SAE1: variants seen among roughly 807,000 people sequenced by gnomAD.
The protein encoded by SAE1 is SUMO1 activating enzyme subunit 1, also known as SUMO-activating enzyme subunit 1.
Under a neutral mutation model 40.6 loss-of-function variants are expected in SAE1, and 11 were observed. The observed-to-expected ratio is 0.27, with a 90% confidence interval of 0.17 to 0.45. The LOEUF is 0.45. Among genes scored for constraint, SAE1 ranks in the 20% least tolerant of loss-of-function variants. The pLI is 1.00. For missense variants in SAE1, 373 were observed against 427.3 expected (o/e 0.87, Z 1.12); for synonymous variants, 155 against 154.3 (o/e 1.00, Z -0.03).
chr19:47,170,437 C>A (rs576733017), intron 6 of SAE1, among the ~76,000 whole-genome samples: 1 of 147,752 alleles, frequency 6.8e-6, no homozygotes, highest in Non-Finnish European at 1.5e-5. Flanking sequence ...CCCTGAAGTT[C>A]TGAGATTATA....
chr19:47,162,322 C>T (rs2058363838), intron 5 of SAE1, among the ~76,000 whole-genome samples: 1 of 152,148 alleles, frequency 6.6e-6, no homozygotes, highest in South Asian at 2.1e-4. Context: ...TATAGATGAT[C>T]TCCTTGGGCA....
chr19:47,202,528 C>T (rs1444452086), intron 7 of SAE1, among the ~76,000 whole-genome samples: 1 of 151,388 alleles, frequency 6.6e-6, no homozygotes, highest in Non-Finnish European at 1.5e-5. Context: ...CTTTGTGATC[C>T]GCCCACCTCG....
chr19:47,152,491 G>C (rs1230493906), intron 3 of SAE1, among the ~76,000 whole-genome samples: 1 of 152,014 alleles, frequency 6.6e-6, no homozygotes, highest in East Asian at 1.9e-4. Context: ...ATGACCTTTG[G>C]GTCAATTTAA....
intron 5 of SAE1, among the ~76,000 whole-genome samples, chr19:47,160,417 T>C: frequency 8.0e-6 from 1 of 125,482 alleles, no homozygotes; most frequent in Non-Finnish European, 1.7e-5. Context: ...TTTTTTGAGA[T>C]GGACTCTCGC....
intron 8 of SAE1, among the ~76,000 whole-genome samples, chr19:47,207,016 C>T (rs563554455): frequency 6.6e-6 from 1 of 152,270 alleles, no homozygotes; most frequent in African/African-American, 2.4e-5. Flanking sequence ...GTTCCCTTGA[C>T]TGGGTGCAGT....
chr19:47,188,749 G>A (rs1489197419), intron 6 of SAE1, among the ~76,000 whole-genome samples: 1 of 152,204 alleles, frequency 6.6e-6, no homozygotes, highest in African/African-American at 2.4e-5. Context: ...TGGAAGAATA[G>A]GGAGTCTAGA....
chr19:47,197,953 C>G (rs1227670784), intron 7 of SAE1, among the ~76,000 whole-genome samples: 2 of 152,206 alleles, frequency 1.3e-5, no homozygotes, highest in Non-Finnish European at 2.9e-5. Context: ...GGTATCCTAT[C>G]AATTCATACC....
intron 5 of SAE1, among the ~76,000 whole-genome samples, chr19:47,167,341 G>A (rs971518646): frequency 3.3e-5 from 5 of 150,784 alleles, no homozygotes; most frequent in African/African-American, 9.8e-5. Context: ...ATGGGTTCAC[G>A]CCATTCTCCT....
intron 6 of SAE1, among the ~76,000 whole-genome samples, chr19:47,172,747 G>C (rs1365951234): frequency 1.3e-5 from 2 of 150,572 alleles, no homozygotes; most frequent in African/African-American, 4.9e-5. Flanking sequence ...ATCTACTCCA[G>C]AGTTGAAAAG....
At chr19:47,165,807 A>G (rs934903335) in intron 5 of SAE1, among the ~76,000 whole-genome samples, 2 of 152,186 alleles carry the variant, frequency 1.3e-5, no homozygotes, top group African/African-American at 4.8e-5. Flanking sequence ...GAAGCACTGA[A>G]TAACTACTGT....
chr19:47,164,059 G>T (rs1371986861), intron 5 of SAE1, among the ~76,000 whole-genome samples: 1 of 152,046 alleles, frequency 6.6e-6, no homozygotes. Context: ...GTGAGCCATT[G>T]CACCTGGCTT....
intron 1 of SAE1, among the ~76,000 whole-genome samples, chr19:47,140,001 G>T (rs2058209592): frequency 6.8e-6 from 1 of 147,156 alleles, no homozygotes; most frequent in African/African-American, 2.5e-5. Context: ...GCAATGGTGC[G>T]GTCTCGGCTC....
intron 8 of SAE1, among the ~76,000 whole-genome samples, chr19:47,204,500 A>AAC (rs2058674767): frequency 1.0e-5 from 1 of 97,574 alleles, no homozygotes; most frequent in Non-Finnish European, 1.9e-5. Context: ...ACCCAGCCGC[A>AAC]CCCCCCCCCT....
At chr19:47,182,464 AG>A in intron 6 of SAE1, among the ~76,000 whole-genome samples, 1 of 144,456 alleles carries the variant, frequency 6.9e-6, no homozygotes, top group Admixed American at 7.0e-5. Context: ...AAAAAAGCGT[AG>A]TGTGTGTGTG....
Position 47,197,328 on chromosome 19 carries a change from C to G in SAE1, c.829C>G (p.Leu277Val). The G allele has an allele frequency of 6.2e-7, 1 of 1,614,026 alleles. No homozygotes were observed. The highest frequency in any genetic ancestry group is 2.2e-5 in the East Asian group (1 of 44,886). Residue 277 changes from leucine (L) to valine (V), a missense_variant, in exon 7 of 9, where the codon CTT (leucine) becomes GTT (valine). Physicochemically the swap from Leu to Val is conservative, Grantham distance 32 (BLOSUM62 1). This residue lies in a region of SAE1 where 351 missense variants were observed against 390.6 expected (regional missense o/e 0.90). Coordinates refer to ENST00000270225, the MANE Select transcript of SAE1 (RefSeq NM_005500.3). ...GTTGCTCCAGATACGAAATGATGTG[C>G]TTGACTCACTGGGTATTAGTCCTGA... Reference protein sequence around the residue: ...ELLLQIRNDVLDSLGISPDLL... With the variant: ...ELLLQIRNDVVDSLGISPDLL...
intron 5 of SAE1, among the ~76,000 whole-genome samples, chr19:47,155,921 A>G (rs567799678): frequency 6.0e-5 from 9 of 149,750 alleles, no homozygotes; most frequent in African/African-American, 2.2e-4. Flanking sequence ...TTGTATTTTT[A>G]GTAGAGACGG....
chr19:47,208,705 G>A lies in SAE1; in HGVS notation c.949-454G>A, dbSNP rs529031678. ...CTCCCAGAGTGCTGGGATTACAGGC[G>A]TGAGCCACTGCGCCCCACCTATTTT... is the stretch of plus-strand genomic sequence containing the variant. On this transcript the variant is annotated intron_variant, in intron 8 of 8. Transcript: ENST00000270225. Among the ~76,000 whole-genome samples the A allele has an allele frequency of 1.8e-4, 28 of 152,260 alleles. 1 individual carries two copies. The South Asian group carries it at 2.9e-3, about 16-fold the overall frequency.
intron 2 of SAE1, among the ~76,000 whole-genome samples, chr19:47,143,817 C>G (rs2123194105): frequency 6.6e-6 from 1 of 152,256 alleles, no homozygotes; most frequent in South Asian, 2.1e-4. Context: ...AGACTCACAC[C>G]CCCTCATTGA....
chr19:47,178,581 C>A (rs2058484915), intron 6 of SAE1, among the ~76,000 whole-genome samples: 1 of 152,174 alleles, frequency 6.6e-6, no homozygotes, highest in African/African-American at 2.4e-5. Context: ...TCGTGCAATT[C>A]TCCTGCCTCA....
Sources: gnomAD v4.1 joint callset for allele counts (sites outside exome capture counted in the v4.1 genomes callset) on GRCh38, gnomAD v4.1.1 for gene constraint, gnomAD v4.1.1 regional missense constraint, MANE v1.5 for transcripts, NCBI Gene and HGNC (gene_info 2026-07-23, HGNC 2026-07-21) for gene names.